Variants in TRAF3 observed in about 807,000 individuals in gnomAD.
TRAF3 encodes TNF receptor associated factor 3, also known as TNF receptor-associated factor 3.
A neutral mutation model predicts 62.3 loss-of-function variants in TRAF3; 13 were observed. The ratio of observed to expected loss-of-function variants is 0.21; its 90% CI spans 0.14 to 0.33. The LOEUF (loss-of-function observed/expected upper bound fraction) is 0.33. Among genes scored for constraint, TRAF3 ranks in the 10% least tolerant of loss-of-function variants. TRAF3 has a pLI of 1.00. For missense variants in TRAF3, 440 were observed against 741.8 expected, an observed-to-expected ratio of 0.59 and a Z score of 4.73; for synonymous variants, 269 against 283.4, an observed-to-expected ratio of 0.95 and a Z score of 0.51.
chr14:102,864,438 G>A lies in TRAF3; in HGVS notation c.-17-5747G>A, dbSNP rs553850835. 5.3e-5 allele frequency among the ~76,000 whole-genome samples: 8 copies of A among 152,176 alleles called. No homozygotes were observed. The East Asian group carries it at 9.7e-4, about 18-fold the overall frequency. ...GCTGGGATTACAGGTGTGAGCCACC[G>A]CGCCCGGCCTAGTTTTTGCCAGTTT... On this transcript the variant is annotated intron_variant, in intron 2 of 11. Transcript: ENST00000392745.
rs765509930 is a variant in TRAF3 at position 102,870,423 on chromosome 14, G to C, written c.222G>C (p.Glu74Asp). 4 of 1,613,936 alleles carry C rather than the reference G, an allele frequency of 2.5e-6. No individual in the cohort carries two copies. Among genetic ancestry groups the C allele is most frequent in the Non-Finnish European group, 3.4e-6 (4 of 1,179,984 alleles). ...CCGAGTGTGGGCACCGCTTCTGCGA[G>C]AGCTGCATGGCGGCCCTGCTGAGGT... is the stretch of plus-strand genomic sequence containing the variant. ...KQTECGHRFCESCMAALLSSS... is the reference protein window; with the variant it reads ...KQTECGHRFCDSCMAALLSSS... The change falls in exon 3 of 12, where the codon GAG becomes GAC. Residue 74 changes from glutamate to aspartate, a missense_variant. Transcript: ENST00000392745.
intron 1 of TRAF3, among the ~76,000 whole-genome samples, chr14:102,796,538 G>T (rs1036834122): frequency 2.0e-5 from 3 of 152,198 alleles, no homozygotes; most frequent in Admixed American, 2.0e-4. Flanking sequence ...AGTGGGGATG[G>T]GGGGTGGACA....
chr14:102,843,599 A>G (rs1202103989), intron 2 of TRAF3, among the ~76,000 whole-genome samples: 2 of 152,120 alleles, frequency 1.3e-5, no homozygotes, highest in Non-Finnish European at 2.9e-5. Flanking sequence ...CAGCCTCCCA[A>G]AGTGCTGGGA....
At chr14:102,777,940 G>T (rs1425379527) in intron 1 of TRAF3, among the ~76,000 whole-genome samples, 4 of 149,852 alleles carry the variant, frequency 2.7e-5, no homozygotes, top group Admixed American at 2.0e-4. Flanking sequence ...CTCGGGGCCC[G>T]AGGGGGCCGG....
intron 6 of TRAF3, among the ~76,000 whole-genome samples, chr14:102,884,675 G>A (rs907107528): frequency 6.6e-6 from 1 of 152,048 alleles, no homozygotes; most frequent in Admixed American, 6.6e-5. Context: ...GCTGGGCACG[G>A]TGATGTGTTG....
intron 4 of TRAF3, among the ~76,000 whole-genome samples, chr14:102,872,754 C>T (rs1595381430): frequency 6.6e-6 from 1 of 151,710 alleles, no homozygotes; most frequent in African/African-American, 2.4e-5. Context: ...CACAATGGCA[C>T]GATCTTGGCT....
At chr14:102,893,070 A>T (rs925388888) in intron 9 of TRAF3, among the ~76,000 whole-genome samples, 2 of 152,098 alleles carry the variant, frequency 1.3e-5, no homozygotes, top group African/African-American at 4.8e-5. Context: ...TTTCTCATTT[A>T]GAAGGTTCTT....
chr14:102,901,012 T>A (rs1890269604), intron 10 of TRAF3, among the ~76,000 whole-genome samples: 1 of 152,274 alleles, frequency 6.6e-6, no homozygotes, highest in Non-Finnish European at 1.5e-5. Context: ...CTCTGCGTTC[T>A]GCTTTGAAAT....
intron 7 of TRAF3, 83 bp from the exon 8 acceptor site, chr14:102,889,476 CT>C: frequency 7.3e-7 from 1 of 1,362,800 alleles, no homozygotes; most frequent in Non-Finnish European, 1.0e-6. Context: ...AATAGTACAG[CT>C]CAGATGCTAT....
At chr14:102,896,367 T>C (rs535138166) in intron 9 of TRAF3, among the ~76,000 whole-genome samples, 2 of 152,294 alleles carry the variant, frequency 1.3e-5, no homozygotes, top group South Asian at 4.1e-4. Context: ...GAGCTTGACT[T>C]TTTTAGATCC....
intron 1 of TRAF3, among the ~76,000 whole-genome samples, chr14:102,779,037 A>G (rs1241950252): frequency 6.6e-6 from 1 of 152,266 alleles, no homozygotes; most frequent in Non-Finnish European, 1.5e-5. Context: ...CCAAAACAAG[A>G]TAAGCCTTAT....
At chr14:102,863,908 G>A (rs1211845894) in intron 2 of TRAF3, among the ~76,000 whole-genome samples, 5 of 152,100 alleles carry the variant, frequency 3.3e-5, no homozygotes, top group Non-Finnish European at 2.9e-5. Context: ...GTTCTTTGCC[G>A]ATGAGGCCCA....
intron 11 of TRAF3, 141 bp from the exon 12 acceptor site, chr14:102,905,072 A>C (rs1466834089): frequency 7.1e-6 from 6 of 848,758 alleles, no homozygotes; most frequent in Admixed American, 2.0e-5. Context: ...AGATGGTGCC[A>C]CTGCACTCCA....
At chr14:102,814,392 T>A (rs919009166) in intron 1 of TRAF3, among the ~76,000 whole-genome samples, 20 of 152,260 alleles carry the variant, frequency 1.3e-4, no homozygotes, top group Non-Finnish European at 1.5e-5. Flanking sequence ...GCTCTGTTCT[T>A]CTTGCTCAGC....
chr14:102,810,851 T>C (rs373303552), intron 1 of TRAF3: 2 of 152,160 alleles, frequency 1.3e-5, no homozygotes, highest in African/African-American at 4.8e-5. Context: ...CTTTGGGAGA[T>C]GAAACGTAGA....
At chr14:102,831,167 G>GC (rs1348398325) in intron 2 of TRAF3, among the ~76,000 whole-genome samples, 1 of 152,112 alleles carries the variant, frequency 6.6e-6, no homozygotes, top group Non-Finnish European at 1.5e-5. Context: ...TGGGTGTGTG[G>GC]CCTCCCTCAC....
chr14:102,867,083 G>A (rs144232097), intron 2 of TRAF3, among the ~76,000 whole-genome samples: 1 of 152,254 alleles, frequency 6.6e-6, no homozygotes, highest in East Asian at 1.9e-4. Flanking sequence ...AGAAATTCTT[G>A]TGCTGCTAGT....
chr14:102,899,358 C>A (rs1890162709), intron 10 of TRAF3, among the ~76,000 whole-genome samples: 1 of 152,156 alleles, frequency 6.6e-6, no homozygotes, highest in Admixed American at 6.5e-5. Flanking sequence ...CCCCGCCTAC[C>A]CTCTTGAGCA....
At chr14:102,778,568 A>G (rs995440150) in intron 1 of TRAF3, among the ~76,000 whole-genome samples, 3 of 151,328 alleles carry the variant, frequency 2.0e-5, no homozygotes, top group African/African-American at 7.3e-5. Flanking sequence ...TCAGAATGAC[A>G]TGTGATGCGT....
Sources: gnomAD v4.1 joint callset for allele counts (sites outside exome capture counted in the v4.1 genomes callset) on GRCh38, gnomAD v4.1.1 for gene constraint, MANE v1.5 for transcripts, NCBI Gene and HGNC (gene_info 2026-07-23, HGNC 2026-07-21) for gene names.